ANOS1: variants seen among roughly 807,000 people sequenced by gnomAD.
The protein encoded by ANOS1 is anosmin-1.
In ANOS1, 6 loss-of-function variants were observed where a neutral mutation model predicts 59.0. The ratio of observed to expected loss-of-function variants is 0.10; its 90% CI spans 0.06 to 0.20. The LOEUF (loss-of-function observed/expected upper bound fraction) is 0.20, where lower values mean the gene tolerates loss of function less well. Among genes scored for constraint, ANOS1 ranks in the 10% least tolerant of loss-of-function variants. The pLI, the probability that ANOS1 is intolerant of heterozygous loss-of-function variation, is 1.00. For synonymous variants in ANOS1, 217 were observed against 223.4 expected, an observed-to-expected ratio of 0.97 and a Z score of 0.25; for missense variants, 433 against 542.3, an observed-to-expected ratio of 0.80 and a Z score of 2.00.
chrX:8,712,651 G>A lies in ANOS1; in HGVS notation c.208-12906C>T, dbSNP rs149658796. Among the ~76,000 whole-genome samples, 476 of 112,467 alleles carry A rather than the reference G, an allele frequency of 4.2e-3. 1 individual carries two copies. Among genetic ancestry groups the A allele is most frequent in the Non-Finnish European group, 6.1e-3 (325 of 53,290 alleles). ...AGCAAATGTCAGAACATGGTGTTTT[G>A]TAACAACCCATCTGTCCATCTCACT... On this transcript the variant is annotated intron_variant, in intron 1 of 13. Transcript: ENST00000262648.
Position 8,553,948 on chromosome X carries a change from G to A in ANOS1, c.1354+4C>T. On this transcript the variant is annotated splice_donor_region_variant and intron_variant, in intron 9 of 13. Transcript: ENST00000262648. ...TAAGAAATAAGTAAGTAATGTTTATGTACCTTCTGTCTTCTTCCAGTAGAC... is the reference window on the plus strand; with the variant it reads ...TAAGAAATAAGTAAGTAATGTTTATATACCTTCTGTCTTCTTCCAGTAGAC... 1 of 1,204,194 alleles carries A rather than the reference G, an allele frequency of 8.3e-7. No homozygotes were observed.
At chrX:8,621,684 C>T (rs1444846236) in intron 3 of ANOS1, among the ~76,000 whole-genome samples, 2 of 111,255 alleles carry the variant, frequency 1.8e-5, no homozygotes, top group Non-Finnish European at 3.8e-5. Flanking sequence ...AGGATAAATC[C>T]CTCATTTGAA....
intron 2 of ANOS1, among the ~76,000 whole-genome samples, chrX:8,661,918 A>G (rs1157542183): frequency 1.8e-5 from 2 of 112,098 alleles, no homozygotes; most frequent in African/African-American, 6.5e-5. Flanking sequence ...GGAAACTGCA[A>G]GAAAGAGGGT....
At chrX:8,687,330 C>G (rs1932537682) in intron 2 of ANOS1, among the ~76,000 whole-genome samples, 2 of 110,593 alleles carry the variant, frequency 1.8e-5, no homozygotes, top group African/African-American at 6.6e-5. Flanking sequence ...TGCCTGGTGG[C>G]TTTGCTTATA....
intron 1 of ANOS1, among the ~76,000 whole-genome samples, chrX:8,717,070 AAAG>A (rs2146909036): frequency 8.9e-6 from 1 of 111,826 alleles, no homozygotes; most frequent in Non-Finnish European, 1.9e-5. Context: ...TCCACTCAAC[AAAG>A]AAGAATCTGC....
At chrX:8,691,253 T>C (rs889908724) in intron 2 of ANOS1, among the ~76,000 whole-genome samples, 11 of 110,019 alleles carry the variant, frequency 1.0e-4, no homozygotes, top group Non-Finnish European at 2.1e-4. Context: ...TTTGTATTTT[T>C]AGTAGAGACG....
chrX:8,650,428 G>A (rs1931832452), intron 2 of ANOS1, among the ~76,000 whole-genome samples: 1 of 112,168 alleles, frequency 8.9e-6, no homozygotes, highest in African/African-American at 3.2e-5. Context: ...AAAAAAGAGA[G>A]GGTTGAAGAT....
chrX:8,566,118 C>T (rs1200882174), intron 8 of ANOS1: 37 of 752,852 alleles, frequency 4.9e-5, no homozygotes, highest in African/African-American at 9.2e-5. Context: ...GCCTGCAGAT[C>T]GCTCACTCTT....
chrX:8,645,355 T>C lies in ANOS1; in HGVS notation c.256-21685A>G, dbSNP rs73465335. On this transcript the variant is annotated intron_variant, in intron 2 of 13. Transcript: ENST00000262648. Reference sequence around the variant, plus strand: ...TCTGCAGGTGTCGGCAGAATGTGAATTGACAAAGATTCTCAACTTCACCTT... The same window carrying C: ...TCTGCAGGTGTCGGCAGAATGTGAACTGACAAAGATTCTCAACTTCACCTT... Among the ~76,000 whole-genome samples, 378 of 111,689 alleles carry C rather than the reference T, an allele frequency of 3.4e-3. 2 individuals are homozygous for C. Among genetic ancestry groups the C allele is most frequent in the African/African-American group, 0.012 (357 of 30,784 alleles).
chrX:8,671,277 G>A (rs754001284), intron 2 of ANOS1, among the ~76,000 whole-genome samples: 9 of 111,423 alleles, frequency 8.1e-5, no homozygotes, highest in Non-Finnish European at 1.5e-4. Context: ...GCCATTGTAC[G>A]TGCTCTTCTC....
At chrX:8,658,530 A>G (rs1200764259) in intron 2 of ANOS1, among the ~76,000 whole-genome samples, 1 of 112,369 alleles carries the variant, frequency 8.9e-6, no homozygotes, top group Middle Eastern at 4.2e-3. Flanking sequence ...ATGAATATCT[A>G]TCTGTTGGAT....
intron 2 of ANOS1, among the ~76,000 whole-genome samples, chrX:8,676,942 G>A (rs1200340339): frequency 9.0e-6 from 1 of 111,617 alleles, no homozygotes; most frequent in East Asian, 2.8e-4. Flanking sequence ...TCAAAGAAAT[G>A]TATTTTCATG....
At chrX:8,655,068 G>A (rs1931910354) in intron 2 of ANOS1, among the ~76,000 whole-genome samples, 1 of 111,123 alleles carries the variant, frequency 9.0e-6, no homozygotes, top group Admixed American at 9.6e-5. Flanking sequence ...ACTGGGTGAG[G>A]AGGAGGAGAA....
intron 2 of ANOS1, among the ~76,000 whole-genome samples, chrX:8,671,963 C>A (rs946526352): frequency 2.7e-5 from 3 of 110,618 alleles, no homozygotes; most frequent in Non-Finnish European, 3.8e-5. Context: ...TTCCGGAATA[C>A]AATACATTAT....
intron 4 of ANOS1, among the ~76,000 whole-genome samples, chrX:8,596,737 T>C (rs1930743671): frequency 9.0e-6 from 1 of 111,658 alleles, no homozygotes; most frequent in Non-Finnish European, 1.9e-5. Flanking sequence ...AGAGCTTACT[T>C]GAATCAGTCT....
At chrX:8,684,676 A>G (rs900470992) in intron 2 of ANOS1, among the ~76,000 whole-genome samples, 2 of 109,573 alleles carry the variant, frequency 1.8e-5, no homozygotes, top group African/African-American at 6.7e-5. Flanking sequence ...CCCCGAGGAA[A>G]AGTTGCTGAA....
At chrX:8,716,000 T>C (rs1029744808) in intron 1 of ANOS1, among the ~76,000 whole-genome samples, 5 of 110,632 alleles carry the variant, frequency 4.5e-5, no homozygotes, top group Non-Finnish European at 9.4e-5. Context: ...CTGAGTAAAA[T>C]GCATGGCATC....
chrX:8,649,587 A>G (rs1336851958), intron 2 of ANOS1, among the ~76,000 whole-genome samples: 1 of 112,503 alleles, frequency 8.9e-6, no homozygotes, highest in Non-Finnish European at 1.9e-5. Flanking sequence ...GTCTTTGTCC[A>G]TATCAGTATC....
chrX:8,579,464 T>G (rs1297579534), intron 6 of ANOS1, among the ~76,000 whole-genome samples: 4 of 112,724 alleles, frequency 3.5e-5, no homozygotes, highest in Non-Finnish European at 5.6e-5. Flanking sequence ...GGGAATTCCT[T>G]TCATGATTTC....
Sources: gnomAD v4.1 joint callset for allele counts (sites outside exome capture counted in the v4.1 genomes callset) on GRCh38, gnomAD v4.1.1 for gene constraint, MANE v1.5 for transcripts, NCBI Gene and HGNC (gene_info 2026-07-23, HGNC 2026-07-21) for gene names.